Variants in FAHD2A observed in about 807,000 individuals in gnomAD.
The protein encoded by FAHD2A is oxaloacetate tautomerase FAHD2A, mitochondrial.
A neutral mutation model predicts 33.4 loss-of-function variants in FAHD2A; 27 were observed. That is an observed-to-expected ratio of 0.81 (90% CI 0.60 to 1.11). FAHD2A has a LOEUF of 1.11. Ranked by LOEUF, FAHD2A falls within the 50% of genes most tolerant of loss-of-function variation. FAHD2A has a pLI of 0.00. For synonymous variants in FAHD2A, 130 were observed against 153.3 expected (o/e 0.85, Z 1.12); for missense variants, 296 against 395.0 (o/e 0.75, Z 2.12).
rs1403771183 is a variant in FAHD2A, at chr2:95,415,131, A to T, written c.*2174A>T. The stretch of plus-strand genomic sequence containing the variant: ...TGTCCCGAAGCCCCCAAATACTGCA[A>T]CCCTGACCCAATGCACGAAGCCACC... On this transcript the variant is annotated 3_prime_UTR_variant, in exon 8 of 8. Transcript: ENST00000233379. 6.6e-6 allele frequency: 1 copy of T among 152,180 alleles called. No homozygotes were observed. Among genetic ancestry groups the T allele is most frequent in the African/African-American group, 2.4e-5 (1 of 41,428 alleles). The allele number at this position is 152,180 out of a possible 1,614,324, so 9.4% of individuals were successfully genotyped here. A position where few individuals can be genotyped will look rare whatever the true frequency, so the allele number is the denominator to read the frequency against.
In FAHD2A at chr2:95,414,598, G is replaced by A. The variant is rs1034350148; in HGVS notation, c.*1641G>A. ...TCCCTGCTCCAGAATTCTACTTGGTGCCCCCCAACCCCACTCGACTCATTG... is the reference window on the plus strand; with the variant it reads ...TCCCTGCTCCAGAATTCTACTTGGTACCCCCCAACCCCACTCGACTCATTG... On this transcript the variant is annotated 3_prime_UTR_variant, in exon 8 of 8. Transcript: ENST00000233379. 2.3e-4 allele frequency: 60 copies of A among 256,448 alleles called. No individual in the cohort carries two copies. The highest frequency in any genetic ancestry group is 3.9e-4 in the South Asian group (9 of 23,264). 15.9% of individuals were successfully genotyped at this position (256,448 alleles called of 1,614,324 possible).
chr2:95,412,460 C>T lies in FAHD2A; in HGVS notation c.712C>T (p.Arg238Ter), dbSNP rs747907657. 13 of 1,613,760 alleles carry T rather than the reference C, an allele frequency of 8.1e-6. No individual in the cohort carries two copies. The highest frequency in any genetic ancestry group is 2.2e-5 in the East Asian group (1 of 44,888). Residue 238 changes from arginine to a stop codon, truncating the protein, a stop_gained, in exon 6 of 8, where the codon CGA (arginine) becomes TGA (stop). Transcript: ENST00000233379. LOFTEE classifies it high-confidence loss of function. ...TCCACACAACTTAAAGATCTGCTGC[C>T]GAGTGAATGGGGAAGTGGTCCAGAG... ...ADPHNLKICC[R>*]VNGEVVQSGN... is the part of the protein sequence containing the mutation.
At chr2:95,419,244 G>A (rs1179582936), downstream of FAHD2A, among the ~76,000 whole-genome samples, 1 of 152,032 alleles carries the variant, frequency 6.6e-6, no homozygotes, top group East Asian at 1.9e-4. Flanking sequence ...GGCAGTAAGG[G>A]CACTTTTATA....
Position 95,416,496 on chromosome 2 carries a change from T to C in FAHD2A, c.*3539T>C, listed in dbSNP as rs1284905117. 1 of 152,222 alleles carries C rather than the reference T, an allele frequency of 6.6e-6. No homozygotes were observed. Among genetic ancestry groups the C allele is most frequent in the Non-Finnish European group, 1.5e-5 (1 of 68,060 alleles). The allele number at this position is 152,222 out of a possible 1,614,324, so 9.4% of individuals were successfully genotyped here. A position where few individuals can be genotyped will look rare whatever the true frequency, so the allele number is the denominator to read the frequency against. ...AAAGGCCTTCCCAGACCAATTAGCA[T>C]GTCCTGCAGCTGTCAGCTCCCTGTG... On this transcript the variant is annotated 3_prime_UTR_variant, in exon 8 of 8. Coordinates refer to ENST00000233379, the MANE Select transcript of FAHD2A (RefSeq NM_016044.3).
intron 3 of FAHD2A, among the ~76,000 whole-genome samples, chr2:95,409,266 C>G (rs1312754195): frequency 6.6e-6 from 1 of 152,062 alleles, no homozygotes; most frequent in African/African-American, 2.4e-5. Context: ...ATCCAGGGAT[C>G]CTGTGGTCAT....
At chr2:95,412,346 C>A in intron 5 of FAHD2A, 88 bp from the exon 6 acceptor site, 2 of 1,518,452 alleles carry the variant, frequency 1.3e-6, no homozygotes, top group Non-Finnish European at 9.0e-7. Flanking sequence ...TGCCAAGTCA[C>A]GAAGCACCCC....
At chr2:95,416,765 C>T (rs1402847899), downstream of FAHD2A, 1 of 152,160 alleles carries the variant, frequency 6.6e-6, no homozygotes, top group Non-Finnish European at 1.5e-5. Flanking sequence ...GCAGAGTCCT[C>T]GAGAATAGTT....
rs1682932295 is a variant in FAHD2A, at chr2:95,414,154, T to C, written c.*1197T>C. 5 of 1,556,396 alleles carry C rather than the reference T, an allele frequency of 3.2e-6. No individual in the cohort carries two copies. The South Asian group carries it at 4.7e-5, about 15-fold the overall frequency. On this transcript the variant is annotated 3_prime_UTR_variant, in exon 8 of 8. Coordinates refer to ENST00000233379, the MANE Select transcript of FAHD2A (RefSeq NM_016044.3). ...CAGAAGACTACTCTGCAGCCCGCCT[T>C]CCTAGAGTTGGGTTGTCACTGTCCG...
Position 95,411,089 on chromosome 2 carries a change from G to A in FAHD2A, c.685+63G>A, listed in dbSNP as rs1682420709. 2.4e-5 allele frequency: 39 copies of A among 1,594,176 alleles called. 1 individual carries two copies. The South Asian group carries it at 3.9e-4, about 16-fold the overall frequency. On this transcript the variant is annotated intron_variant, in intron 5 of 7. Coordinates refer to ENST00000233379, the MANE Select transcript of FAHD2A (RefSeq NM_016044.3). ...GCACAGATGAACAGCGCTTCAGGGA[G>A]GAGCATGGGTTCAGGTACATGTGGC... is the stretch of plus-strand genomic sequence containing the variant.
chr2:95,405,955 G>T lies in FAHD2A; in HGVS notation c.245+152G>T, dbSNP rs570741903. 1,180 of 1,253,552 alleles carry T rather than the reference G, an allele frequency of 9.4e-4. 4 individuals carry two copies. The highest frequency in any genetic ancestry group is 2.9e-3 in the South Asian group (178 of 61,284). 77.7% of individuals were successfully genotyped at this position (1,253,552 alleles called of 1,614,324 possible). A position where few individuals can be genotyped will look rare whatever the true frequency, so the allele number is the denominator to read the frequency against. ...CTCCCGTTCTCTTAAAAGATCCTTA[G>T]AAATCTTACATAATAACATCTTCAG... On this transcript the variant is annotated intron_variant, in intron 2 of 7. Transcript: ENST00000233379.
intron 1 of FAHD2A, 94 bp from the exon 2 acceptor site, chr2:95,405,459 C>G: frequency 6.6e-7 from 1 of 1,513,170 alleles, no homozygotes; most frequent in East Asian, 2.3e-5. Context: ...GTTGATGGGG[C>G]AAAGGGCCTC....
chr2:95,411,327 C>CT (rs1489272698), intron 5 of FAHD2A, among the ~76,000 whole-genome samples: 4 of 152,238 alleles, frequency 2.6e-5, no homozygotes, highest in South Asian at 2.1e-4. Flanking sequence ...CTGAAACAAT[C>CT]TAAGTTGAGC....
In FAHD2A at chr2:95,412,556, G is replaced by A. The variant is rs184248849; in HGVS notation, c.794+14G>A. On this transcript the variant is annotated intron_variant, in intron 6 of 7. Coordinates refer to ENST00000233379, the MANE Select transcript of FAHD2A (RefSeq NM_016044.3). ...CTGGGTCTCCCAGTGAGTGACAGGG[G>A]CTGTCCTGCCAGCCCCGCTTCACCT... 5.0e-3 allele frequency: 8,113 copies of A among 1,613,870 alleles called. 26 individuals carry two copies. Among genetic ancestry groups the A allele is most frequent in the Non-Finnish European group, 5.6e-3 (6,611 of 1,179,810 alleles).
rs182968658 is a variant in FAHD2A, at chr2:95,414,798, G to A, written c.*1841G>A. 5.8e-3 allele frequency: 895 copies of A among 153,448 alleles called. 8 individuals are homozygous for A. Among genetic ancestry groups the A allele is most frequent in the African/African-American group, 0.017 (715 of 41,432 alleles). 9.5% of individuals were successfully genotyped at this position (153,448 alleles called of 1,614,324 possible). A position where few individuals can be genotyped will look rare whatever the true frequency, so the allele number is the denominator to read the frequency against. ...TTGCCATCTCTCCCTGCCCCACTCC[G>A]ATGGCTCCTCCTGCCTGGTGAAGAC... is the stretch of plus-strand genomic sequence containing the variant. On this transcript the variant is annotated 3_prime_UTR_variant, in exon 8 of 8. Transcript: ENST00000233379.
Position 95,413,073 on chromosome 2 carries a change from C to T in FAHD2A, c.*116C>T. The T allele has an allele frequency of 1.5e-6, 2 of 1,344,266 alleles. No homozygotes were observed. The highest frequency in any genetic ancestry group is 2.1e-6 in the Non-Finnish European group (2 of 974,758). The allele number at this position is 1,344,266 out of a possible 1,614,324, so 83.3% of individuals were successfully genotyped here. The stretch of plus-strand genomic sequence containing the variant: ...GTGCCAGCCCTGCAAGCCGCCTCTT[C>T]TCGGTAGAAGGGAGAAGGACAGAGC... On this transcript the variant is annotated 3_prime_UTR_variant, in exon 8 of 8. Transcript: ENST00000233379.
chr2:95,420,352 G>A (rs1449803928), downstream of FAHD2A, among the ~76,000 whole-genome samples: 1 of 152,070 alleles, frequency 6.6e-6, no homozygotes, highest in East Asian at 1.9e-4. Context: ...GGATTTGCAA[G>A]GAGAAATCAT....
chr2:95,410,265 G>A (rs1280209948), intron 3 of FAHD2A, among the ~76,000 whole-genome samples: 1 of 152,226 alleles, frequency 6.6e-6, no homozygotes, highest in Non-Finnish European at 1.5e-5. Flanking sequence ...CCCTGGACAC[G>A]TGTTGCTCTT....
Position 95,414,072 on chromosome 2 carries a change from A to G in FAHD2A, c.*1115A>G. 1.4e-6 allele frequency: 2 copies of G among 1,411,250 alleles called. No homozygotes were observed. Among genetic ancestry groups the G allele is most frequent in the Non-Finnish European group, 2.0e-6 (2 of 999,658 alleles). The allele number at this position is 1,411,250 out of a possible 1,614,324, so 87.4% of individuals were successfully genotyped here. On this transcript the variant is annotated 3_prime_UTR_variant, in exon 8 of 8. Transcript: ENST00000233379. ...TAGGGAGGACAGGGAGACACTGGGC[A>G]CAGGCTTCTCTCCTCTTGTTTAAAG... is the stretch of plus-strand genomic sequence containing the variant.
chr2:95,414,172 A>C lies in FAHD2A; in HGVS notation c.*1215A>C, dbSNP rs1682933378. On this transcript the variant is annotated 3_prime_UTR_variant, in exon 8 of 8. Coordinates refer to ENST00000233379, the MANE Select transcript of FAHD2A (RefSeq NM_016044.3). Reference sequence around the variant, plus strand: ...CCCGCCTTCCTAGAGTTGGGTTGTCACTGTCCGGCAGGGGGCAGCAGCCAC... The same window carrying C: ...CCCGCCTTCCTAGAGTTGGGTTGTCCCTGTCCGGCAGGGGGCAGCAGCCAC... The C allele has an allele frequency of 6.4e-7, 1 of 1,573,410 alleles. No homozygotes were observed. Among genetic ancestry groups the C allele is most frequent in the Admixed American group, 1.9e-5 (1 of 53,964 alleles).
Sources: allele counts gnomAD v4.1 joint callset (sites outside exome capture counted in the v4.1 genomes callset), GRCh38; gene constraint gnomAD v4.1.1; transcripts MANE v1.5; gene names NCBI Gene and HGNC (gene_info 2026-07-23, HGNC 2026-07-21).